Variants in ARMC3 observed in about 807,000 individuals in gnomAD.
ARMC3 encodes the protein armadillo repeat-containing protein 3.
ARMC3 carries 74 observed loss-of-function variants against 90.3 expected under a neutral mutation model. The observed-to-expected ratio is 0.82, with a 90% CI of 0.68 to 0.99. ARMC3 has a LOEUF of 0.99. Among genes scored for constraint, ARMC3 ranks in the 50% least tolerant of loss-of-function variants. The probability of loss-of-function intolerance (pLI) is 0.00; values close to 1 mark genes in which losing one functional copy is unlikely to be tolerated. For missense variants in ARMC3, 958 were observed against 1,042.8 expected, an observed-to-expected ratio of 0.92 and a Z score of 1.12; for synonymous variants, 334 against 361.8, an observed-to-expected ratio of 0.92 and a Z score of 0.87.
intron 4 of ARMC3, among the ~76,000 whole-genome samples, chr10:22,957,908 A>G (rs1457701358): frequency 6.6e-6 from 1 of 152,170 alleles, no homozygotes; most frequent in Non-Finnish European, 1.5e-5. Flanking sequence ...AAACAAAAAT[A>G]TTTTGTGGCC....
chr10:22,957,231 C>A (rs528475055), intron 4 of ARMC3, among the ~76,000 whole-genome samples: 1 of 152,290 alleles, frequency 6.6e-6, no homozygotes, highest in African/African-American at 2.4e-5. Context: ...GACAGTGAGG[C>A]CTCCTTATTC....
chr10:23,018,803 A>G (rs1226445980), intron 16 of ARMC3, among the ~76,000 whole-genome samples: 3 of 152,224 alleles, frequency 2.0e-5, no homozygotes, highest in African/African-American at 4.8e-5. Context: ...GGCGTGAGCC[A>G]CCATGCCTGG....
chr10:23,037,077 A>G (rs1283348809), intron 18 of ARMC3, among the ~76,000 whole-genome samples, 193 bp from the exon 19 acceptor site: 1 of 152,256 alleles, frequency 6.6e-6, no homozygotes, highest in Admixed American at 6.5e-5. Flanking sequence ...TTTTGCATCT[A>G]CAGAATCTTG....
chr10:22,955,750 G>C, intron 3 of ARMC3, 57 bp from the exon 4 acceptor site: 1 of 1,589,166 alleles, frequency 6.3e-7, no homozygotes, highest in Non-Finnish European at 8.6e-7. Flanking sequence ...GCACAAGGCA[G>C]AATGCTGATG....
At chr10:22,973,057 G>T (rs1242444432) in intron 8 of ARMC3, among the ~76,000 whole-genome samples, 5 of 152,012 alleles carry the variant, frequency 3.3e-5, no homozygotes. Context: ...ACTTTGGGAG[G>T]TTGAGGTGGG....
intron 10 of ARMC3, among the ~76,000 whole-genome samples, chr10:22,986,936 G>A (rs1836476313): frequency 6.6e-6 from 1 of 152,112 alleles, no homozygotes; most frequent in Non-Finnish European, 1.5e-5. Context: ...TATTAGCAGT[G>A]AAAGAAGGAG....
chr10:22,939,553 T>A (rs761119508), intron 2 of ARMC3, among the ~76,000 whole-genome samples: 4 of 152,156 alleles, frequency 2.6e-5, no homozygotes, highest in Non-Finnish European at 4.4e-5. Context: ...AGAAAAGGTT[T>A]CTCTAGTCCT....
chr10:22,955,460 CAG>C (rs1290065756), intron 3 of ARMC3: 1 of 177,612 alleles, frequency 5.6e-6, no homozygotes, highest in Non-Finnish European at 1.2e-5. Context: ...AAGCAAAACA[CAG>C]AGGTTGTTAA....
At chr10:22,998,042 A>G in intron 10 of ARMC3, 106 bp from the exon 11 acceptor site, 1 of 1,304,384 alleles carries the variant, frequency 7.7e-7, no homozygotes, top group Non-Finnish European at 1.0e-6. Flanking sequence ...ATTTATTTCT[A>G]AAATCGTATT....
At chr10:22,953,033 A>G (rs1014673884) in intron 3 of ARMC3, among the ~76,000 whole-genome samples, 2 of 152,328 alleles carry the variant, frequency 1.3e-5, no homozygotes, top group South Asian at 4.1e-4. Context: ...TGACTTTGAG[A>G]TGAGGAGATT....
At chr10:23,021,870 T>C (rs769831157) in intron 16 of ARMC3, among the ~76,000 whole-genome samples, 29 of 152,200 alleles carry the variant, frequency 1.9e-4, no homozygotes, top group Non-Finnish European at 3.8e-4. Context: ...ATATGAGTCT[T>C]CTGTTGACCA....
chr10:23,030,079 A>G (rs77597619), intron 16 of ARMC3, among the ~76,000 whole-genome samples: 3,475 of 152,282 alleles, frequency 0.023, 114 homozygotes, highest in African/African-American at 0.079. Context: ...AGACCAATAT[A>G]TGATTTTCAT....
chr10:23,010,703 C>CCTCT (rs1837939085), intron 16 of ARMC3, among the ~76,000 whole-genome samples: 1 of 68,402 alleles, frequency 1.5e-5, no homozygotes, highest in African/African-American at 6.0e-5. Context: ...TTCCCTTCCC[C>CCTCT]CTCCTTCCTT....
At chr10:23,015,888 C>T (rs1416415555) in intron 16 of ARMC3, among the ~76,000 whole-genome samples, 1 of 152,136 alleles carries the variant, frequency 6.6e-6, no homozygotes, top group African/African-American at 2.4e-5. Context: ...TTATTGAGCG[C>T]CTTCTATGTG....
At chr10:23,020,859 A>G (rs1024786712) in intron 16 of ARMC3, among the ~76,000 whole-genome samples, 1 of 151,966 alleles carries the variant, frequency 6.6e-6, no homozygotes, top group Non-Finnish European at 1.5e-5. Context: ...TACGTGGGTA[A>G]ATTGTGTGTT....
intron 3 of ARMC3, among the ~76,000 whole-genome samples, chr10:22,954,875 G>A (rs1834866027): frequency 6.6e-6 from 1 of 152,056 alleles, no homozygotes; most frequent in South Asian, 2.1e-4. Context: ...TGATTGTGGA[G>A]GCTGAGAAGT....
intron 16 of ARMC3, among the ~76,000 whole-genome samples, chr10:23,016,011 A>G (rs1838254929): frequency 1.3e-5 from 2 of 152,098 alleles, no homozygotes; most frequent in Non-Finnish European, 2.9e-5. Context: ...ACTCACACAC[A>G]CTCACACAAT....
At chr10:22,936,342 A>G (rs1205310162) in intron 2 of ARMC3, among the ~76,000 whole-genome samples, 1 of 152,170 alleles carries the variant, frequency 6.6e-6, no homozygotes, top group East Asian at 1.9e-4. Context: ...CATCAGTTAC[A>G]TTTCAAGTGC....
chr10:22,946,480 T>C, intron 3 of ARMC3: 1 of 313,246 alleles, frequency 3.2e-6, no homozygotes, highest in East Asian at 5.9e-5. Context: ...AGAACAGTCA[T>C]TCTGAAAGTT....
Sources: allele counts gnomAD v4.1 joint callset (sites outside exome capture counted in the v4.1 genomes callset), GRCh38; gene constraint gnomAD v4.1.1; transcripts MANE v1.5; gene names NCBI Gene and HGNC (gene_info 2026-07-23, HGNC 2026-07-21).